SH3BP5: variants seen among roughly 807,000 people sequenced by gnomAD.
SH3BP5 encodes SH3 domain-binding protein 5.
A neutral mutation model predicts 43.3 loss-of-function variants in SH3BP5; 22 were observed. The observed-to-expected ratio is 0.51, with a 90% CI of 0.36 to 0.73. SH3BP5 has a LOEUF of 0.73. SH3BP5 is among the 30% of genes least tolerant of loss of function. SH3BP5 has a pLI of 0.00. For missense variants in SH3BP5, 529 were observed against 586.9 expected (o/e 0.90, Z 1.02); for synonymous variants, 255 against 225.8 (o/e 1.13, Z -1.16).
rs150315235 is a variant in SH3BP5, at chr3:15,284,922, C to T, written c.331-15045G>A. 9.3e-3 allele frequency among the ~76,000 whole-genome samples: 1,417 copies of T among 152,304 alleles called. 26 individuals carry two copies. The highest frequency in any genetic ancestry group is 0.031 in the African/African-American group (1,269 of 41,558). ...ACGACCGAATGCCTGGTGAGTGCCC[C>T]AGACCCAGGACCTTTGGAGTTAAGA... On this transcript the variant is annotated intron_variant, in intron 3 of 8. Coordinates refer to ENST00000383791, the MANE Select transcript of SH3BP5 (RefSeq NM_004844.5).
At chr3:15,269,125 A>G (rs919653234) in intron 4 of SH3BP5, among the ~76,000 whole-genome samples, 6 of 152,184 alleles carry the variant, frequency 3.9e-5, no homozygotes, top group Non-Finnish European at 8.8e-5. Flanking sequence ...CATGAGAGCC[A>G]GTAAAGAACC....
chr3:15,329,884 C>A (rs545735819), intron 2 of SH3BP5, among the ~76,000 whole-genome samples: 43 of 152,364 alleles, frequency 2.8e-4, no homozygotes, highest in African/African-American at 9.9e-4. Flanking sequence ...CTTGTTTACA[C>A]TCCCATTGGA....
chr3:15,281,102 G>T (rs970662281), intron 3 of SH3BP5, among the ~76,000 whole-genome samples: 2 of 152,192 alleles, frequency 1.3e-5, no homozygotes, highest in Admixed American at 6.5e-5. Context: ...CACAAGGGTG[G>T]AGCATAGGAG....
rs1408800214 is a variant in SH3BP5 at position 15,255,167 on chromosome 3, T to C, written c.*919A>G. ...TGCCAACACATGCCTGCCTACTCCC[T>C]TTCCTAACTTTAAAGAACTGTTTCC... On this transcript the variant is annotated 3_prime_UTR_variant, in exon 9 of 9. Coordinates refer to ENST00000383791, the MANE Select transcript of SH3BP5 (RefSeq NM_004844.5). 7 of 152,696 alleles carry C rather than the reference T, an allele frequency of 4.6e-5. No homozygotes were observed. The East Asian group carries it at 1.3e-3, about 29-fold the overall frequency. 9.5% of individuals were successfully genotyped at this position (152,696 alleles called of 1,614,324 possible).
intron 2 of SH3BP5, among the ~76,000 whole-genome samples, chr3:15,311,453 G>C (rs956707649): frequency 2.6e-5 from 4 of 151,984 alleles, no homozygotes; most frequent in Non-Finnish European, 5.9e-5. Context: ...CCAGCTACTC[G>C]GGAGGCTGAG....
intron 2 of SH3BP5, among the ~76,000 whole-genome samples, chr3:15,328,142 C>T (rs1191160619): frequency 6.6e-6 from 1 of 152,066 alleles, no homozygotes; most frequent in African/African-American, 2.4e-5. Flanking sequence ...GCCCTGGCCA[C>T]CCCCCTCACA....
chr3:15,332,599 G>A, upstream of SH3BP5: 1 of 1,196,196 alleles, frequency 8.4e-7, no homozygotes, highest in Non-Finnish European at 1.0e-6. Flanking sequence ...AATGGGCGCG[G>A]CCGCCCCCTT....
At chr3:15,337,398 A>C (rs557684623), upstream of SH3BP5, among the ~76,000 whole-genome samples, 1 of 152,104 alleles carries the variant, frequency 6.6e-6, no homozygotes, top group Non-Finnish European at 1.5e-5. Context: ...TAATGTTTTT[A>C]AACTGAAGTT....
At chr3:15,296,694 C>CTTTTTTTTTTTTT (rs370273754) in intron 3 of SH3BP5, among the ~76,000 whole-genome samples, 2 of 124,966 alleles carry the variant, frequency 1.6e-5, no homozygotes, top group African/African-American at 3.5e-5. Flanking sequence ...AGTGTTTTTC[C>CTTTTTTTTTTTTT]TTTTTTTTTT....
At chr3:15,322,026 G>A (rs1179416508) in intron 2 of SH3BP5, among the ~76,000 whole-genome samples, 1 of 152,056 alleles carries the variant, frequency 6.6e-6, no homozygotes, top group African/African-American at 2.4e-5. Context: ...CCTACATAGT[G>A]AAACCCCGTC....
At chr3:15,263,937 G>A (rs1696542854) in intron 4 of SH3BP5, among the ~76,000 whole-genome samples, 1 of 152,124 alleles carries the variant, frequency 6.6e-6, no homozygotes, top group Non-Finnish European at 1.5e-5. Flanking sequence ...GAGCCCAGAG[G>A]GCTCATGGTC....
At chr3:15,308,295 C>G (rs567964221) in intron 2 of SH3BP5, among the ~76,000 whole-genome samples, 1 of 152,198 alleles carries the variant, frequency 6.6e-6, no homozygotes, top group Non-Finnish European at 1.5e-5. Flanking sequence ...AGTGCTTTAA[C>G]CCCACCAATT....
chr3:15,282,027 A>G lies in SH3BP5; in HGVS notation c.331-12150T>C, dbSNP rs75900200. 8.2e-3 allele frequency among the ~76,000 whole-genome samples: 1,249 copies of G among 152,154 alleles called. 59 individuals are homozygous for G. The East Asian group carries it at 0.13, about 16-fold the overall frequency. ...CGGTCCCCTCCCCCAAAAAAAGCAC[A>G]TTTTGATGCCTTGCACAAAACTGGC... On this transcript the variant is annotated intron_variant, in intron 3 of 8. Coordinates refer to ENST00000383791, the MANE Select transcript of SH3BP5 (RefSeq NM_004844.5).
chr3:15,330,413 T>A lies in SH3BP5; in HGVS notation c.201+91A>T. 3.8e-6 allele frequency: 4 copies of A among 1,058,492 alleles called. No homozygotes were observed. In the South Asian group the frequency reaches 5.2e-5, roughly 14 times the overall value. 65.6% of individuals were successfully genotyped at this position (1,058,492 alleles called of 1,614,324 possible). The stretch of plus-strand genomic sequence containing the variant: ...ACTCCCAAGGAGGGGGGTCCAGCAA[T>A]AACACTCCAGCTATGAAGACAAAAT... On this transcript the variant is annotated intron_variant, in intron 2 of 8. Coordinates refer to ENST00000383791, the MANE Select transcript of SH3BP5 (RefSeq NM_004844.5).
chr3:15,262,951 C>A (rs1424611309), intron 4 of SH3BP5, among the ~76,000 whole-genome samples: 1 of 152,108 alleles, frequency 6.6e-6, no homozygotes, highest in African/African-American at 2.4e-5. Context: ...CAGCAAGACT[C>A]CATCTCAAAA....
At chr3:15,287,890 T>G (rs1050811052) in intron 3 of SH3BP5, among the ~76,000 whole-genome samples, 7 of 152,202 alleles carry the variant, frequency 4.6e-5, no homozygotes, top group African/African-American at 1.7e-4. Context: ...CTTTGTGCGC[T>G]GTGGTCAGAT....
intron 2 of SH3BP5, among the ~76,000 whole-genome samples, chr3:15,327,231 C>G (rs573512859): frequency 3.8e-4 from 58 of 152,072 alleles, no homozygotes; most frequent in Admixed American, 6.5e-4. Flanking sequence ...GAAACCCCAT[C>G]TCTACTAAAA....
At chr3:15,259,351 C>T (rs1696345864) in intron 6 of SH3BP5, 1 of 533,588 alleles carries the variant, frequency 1.9e-6, no homozygotes, top group Non-Finnish European at 3.4e-6. Flanking sequence ...ACAGTCTAGA[C>T]ATCTGGTTCC....
At chr3:15,310,286 T>C (rs951056417) in intron 2 of SH3BP5, among the ~76,000 whole-genome samples, 6 of 152,208 alleles carry the variant, frequency 3.9e-5, no homozygotes, top group African/African-American at 1.4e-4. Flanking sequence ...CATCCTGGCA[T>C]CATGAGGGGA....
Sources: gnomAD v4.1 joint callset for allele counts (sites outside exome capture counted in the v4.1 genomes callset) on GRCh38, gnomAD v4.1.1 for gene constraint, MANE v1.5 for transcripts, NCBI Gene and HGNC (gene_info 2026-07-23, HGNC 2026-07-21) for gene names.